Variants in MBOAT1 observed in about 807,000 individuals in gnomAD.
The protein encoded by MBOAT1 is membrane-bound glycerophospholipid O-acyltransferase 1.
In MBOAT1, 67 loss-of-function variants were observed where a neutral mutation model predicts 64.4. The ratio of observed to expected loss-of-function variants is 1.04; its 90% CI spans 0.85 to 1.27. The LOEUF is 1.27. MBOAT1 is among the 50% of genes most tolerant of loss of function. MBOAT1 has a pLI of 0.00. For missense variants in MBOAT1, 563 were observed against 604.6 expected, an observed-to-expected ratio of 0.93 and a Z score of 0.72; for synonymous variants, 229 against 218.9, an observed-to-expected ratio of 1.05 and a Z score of -0.41.
intron 4 of MBOAT1, among the ~76,000 whole-genome samples, chr6:20,134,269 G>C (rs1299515817): frequency 6.6e-6 from 1 of 151,724 alleles, no homozygotes; most frequent in Admixed American, 6.6e-5. Flanking sequence ...ACATAATACT[G>C]AATAGCTAGA....
At chr6:20,165,513 C>T (rs1761990673) in intron 1 of MBOAT1, among the ~76,000 whole-genome samples, 1 of 152,000 alleles carries the variant, frequency 6.6e-6, no homozygotes, top group Non-Finnish European at 1.5e-5. Flanking sequence ...GAGGCTGAGG[C>T]GGGTGGATCA....
At chr6:20,158,884 T>A (rs1761769019) in intron 1 of MBOAT1, among the ~76,000 whole-genome samples, 1 of 152,032 alleles carries the variant, frequency 6.6e-6, no homozygotes, top group Non-Finnish European at 1.5e-5. Flanking sequence ...CTCACGTGTG[T>A]TAGAATGACA....
rs75492411 is a variant in MBOAT1, at chr6:20,194,541, G to A, written c.99+17595C>T. 8.6e-4 allele frequency among the ~76,000 whole-genome samples: 131 copies of A among 152,294 alleles called. No individual in the cohort carries two copies. In the East Asian group the frequency reaches 0.012, roughly 13 times the overall value. On this transcript the variant is annotated intron_variant, in intron 1 of 12. Coordinates refer to ENST00000324607, the MANE Select transcript of MBOAT1 (RefSeq NM_001080480.3). ...CAGGGGTTAAGGGTTATGGGTTTTT[G>A]CAAGGAAGACCACAGATGTAAAGTG...
chr6:20,190,960 C>G (rs1762785316), intron 1 of MBOAT1, among the ~76,000 whole-genome samples: 1 of 152,146 alleles, frequency 6.6e-6, no homozygotes, highest in South Asian at 2.1e-4. Context: ...TGAAACCTAC[C>G]TTCCTAAAGT....
intron 11 of MBOAT1, among the ~76,000 whole-genome samples, chr6:20,111,154 C>T (rs1760126691): frequency 1.3e-5 from 2 of 152,178 alleles, no homozygotes; most frequent in South Asian, 4.1e-4. Context: ...GGATATACTC[C>T]TTTGTAGATC....
chr6:20,177,362 A>AT (rs1222244932), intron 1 of MBOAT1, among the ~76,000 whole-genome samples: 6 of 152,112 alleles, frequency 3.9e-5, no homozygotes, highest in Non-Finnish European at 5.9e-5. Context: ...TGTTTGTTTT[A>AT]TTTTTATTTT....
intron 1 of MBOAT1, among the ~76,000 whole-genome samples, chr6:20,175,635 T>C (rs1157099801): frequency 1.3e-5 from 2 of 151,414 alleles, no homozygotes; most frequent in African/African-American, 2.4e-5. Context: ...TCTTTCTTTT[T>C]TTTTTTTTTG....
intron 1 of MBOAT1, among the ~76,000 whole-genome samples, chr6:20,156,112 A>G (rs942737971): frequency 2.0e-5 from 3 of 151,958 alleles, no homozygotes; most frequent in Non-Finnish European, 4.4e-5. Context: ...ACTAAAAAAA[A>G]TACAAAAAAT....
chr6:20,131,214 G>A lies in MBOAT1; in HGVS notation c.420-15C>T, dbSNP rs2113660435. 1.9e-6 allele frequency: 3 copies of A among 1,612,312 alleles called. No homozygotes were observed. The highest frequency in any genetic ancestry group is 2.2e-5 in the East Asian group (1 of 44,860). Reference sequence around the variant, plus strand: ...TCATCAGAGGCCTGGAAGGAAGACAGAAAATAATCAAGATTGGCAAGAAGG... The same window carrying A: ...TCATCAGAGGCCTGGAAGGAAGACAAAAAATAATCAAGATTGGCAAGAAGG... On this transcript the variant is annotated splice_polypyrimidine_tract_variant and intron_variant, in intron 4 of 12. Transcript: ENST00000324607.
intron 1 of MBOAT1, among the ~76,000 whole-genome samples, chr6:20,210,662 T>C (rs977047202): frequency 2.2e-5 from 3 of 133,980 alleles, no homozygotes; most frequent in Non-Finnish European, 4.7e-5. Context: ...AAAACCAGAA[T>C]TACCTTTATA....
In MBOAT1 at chr6:20,151,258, A is replaced by G; in HGVS notation, c.250T>C (p.Ser84Pro). Residue 84 changes from serine to proline, a missense_variant, in exon 3 of 13, where the codon TCT (serine) becomes CCT (proline). Physicochemically the swap from Ser to Pro is moderately conservative, Grantham distance 74. Transcript: ENST00000324607. ...AACACCAGCACAAAAAGATGCACAGAGTACCTTTAAGACATAATAGTAGGG... is the reference window on the plus strand; with the variant it reads ...AACACCAGCACAAAAAGATGCACAGGGTACCTTTAAGACATAATAGTAGGG... ...YFVIFCFGWY[S>P]VHLFVLVLMC... 1 of 1,609,342 alleles carries G rather than the reference A, an allele frequency of 6.2e-7. No individual in the cohort carries two copies. The highest frequency in any genetic ancestry group is 8.5e-7 in the Non-Finnish European group (1 of 1,176,260).
chr6:20,111,849 T>TATATATACAC (rs1361087679), intron 11 of MBOAT1, among the ~76,000 whole-genome samples: 6 of 80,228 alleles, frequency 7.5e-5, no homozygotes, highest in Non-Finnish European at 5.2e-5. Flanking sequence ...TATATATACA[T>TATATATACAC]ATATATATAC....
At position 20,148,935 on chromosome 6, in the gene MBOAT1, G is replaced by A. The variant is rs772105188; in HGVS notation, c.323+2250C>T. 4.0e-5 allele frequency among the ~76,000 whole-genome samples: 6 copies of A among 151,450 alleles called. No homozygotes were observed. The East Asian group carries it at 5.8e-4, about 15-fold the overall frequency. ...GGCCAACATAGTGAAACCCCGTCTC[G>A]ACTAAAAATACAAAAATTAGCCAGG... On this transcript the variant is annotated intron_variant, in intron 3 of 12. Coordinates refer to ENST00000324607, the MANE Select transcript of MBOAT1 (RefSeq NM_001080480.3).
At chr6:20,142,289 G>A (rs897463995) in intron 4 of MBOAT1, among the ~76,000 whole-genome samples, 2 of 152,108 alleles carry the variant, frequency 1.3e-5, no homozygotes, top group Non-Finnish European at 2.9e-5. Flanking sequence ...TCTAAGTATA[G>A]CAGGGCTCTG....
intron 9 of MBOAT1, among the ~76,000 whole-genome samples, chr6:20,115,975 T>C (rs1760306554): frequency 6.9e-6 from 1 of 144,378 alleles, no homozygotes; most frequent in Non-Finnish European, 1.5e-5. Context: ...CAATAACCCA[T>C]TACCTGGGTT....
chr6:20,201,793 G>C (rs1367350955), intron 1 of MBOAT1, among the ~76,000 whole-genome samples: 2 of 151,994 alleles, frequency 1.3e-5, no homozygotes, highest in Non-Finnish European at 2.9e-5. Context: ...TGTTGGCCAA[G>C]CTGGTCTCAA....
At chr6:20,152,582 A>C (rs755019519) in intron 2 of MBOAT1, 42 bp downstream of exon 2, 13 of 1,571,488 alleles carry the variant, frequency 8.3e-6, no homozygotes. Context: ...GCCACAAAAC[A>C]TCCAAATGAC....
chr6:20,103,696 G>A (rs926114113), intron 12 of MBOAT1, among the ~76,000 whole-genome samples: 23 of 152,232 alleles, frequency 1.5e-4, no homozygotes, highest in African/African-American at 5.1e-4. Context: ...CAAACTGCTG[G>A]GATTGCAGGC....
At chr6:20,156,270 CAA>C (rs371464826) in intron 1 of MBOAT1, among the ~76,000 whole-genome samples, 34 of 100,862 alleles carry the variant, frequency 3.4e-4, no homozygotes, top group African/African-American at 4.1e-4. Context: ...GACTCCCTCT[CAA>C]AAAAAAAAAA....
Sources: gnomAD v4.1 joint callset for allele counts (sites outside exome capture counted in the v4.1 genomes callset) on GRCh38, gnomAD v4.1.1 for gene constraint, MANE v1.5 for transcripts, NCBI Gene and HGNC (gene_info 2026-07-23, HGNC 2026-07-21) for gene names.